Variants in CADPS observed in about 807,000 individuals in gnomAD.
CADPS encodes the protein calcium dependent secretion activator.
A neutral mutation model predicts 167.3 loss-of-function variants in CADPS; 57 were observed. The observed-to-expected ratio is 0.34, with a 90% CI of 0.28 to 0.42. The LOEUF (loss-of-function observed/expected upper bound fraction) is 0.42, where lower values mean the gene tolerates loss of function less well. CADPS is among the 20% of genes least tolerant of loss of function. The probability of loss-of-function intolerance (pLI) is 1.00; values close to 1 mark genes in which losing one functional copy is unlikely to be tolerated. For missense variants in CADPS, 1,414 were observed against 1,738.1 expected (o/e 0.81, Z 3.32); for synonymous variants, 676 against 635.3 (o/e 1.06, Z -0.96).
chr3:62,736,669 A>G (rs2079042080), intron 3 of CADPS, among the ~76,000 whole-genome samples: 1 of 152,238 alleles, frequency 6.6e-6, no homozygotes, highest in Admixed American at 6.5e-5. Flanking sequence ...GTTTCTTTAA[A>G]AGAAGTTAGA....
At chr3:62,790,186 G>A (rs1640458224) in intron 1 of CADPS, among the ~76,000 whole-genome samples, 1 of 152,070 alleles carries the variant, frequency 6.6e-6, no homozygotes, top group Non-Finnish European at 1.5e-5. Flanking sequence ...TAAAGAGTAT[G>A]CAACATATAT....
Position 62,481,842 on chromosome 3 carries a change from C to G in CADPS, c.3054G>C (p.Val1018=), listed in dbSNP as rs758584550. Residue 1018 remains valine, a synonymous_variant, in exon 22 of 30, where the codon GTG becomes GTC. Transcript: ENST00000383710. ...VKSLTSNLPN[V]NLPNVNLPKV... ...TGGGAAGGTTCACATTGGGTAGGTT[C>G]ACATTGGGTAGGTTACTGGTTAAAC... The G allele has an allele frequency of 6.2e-7, 1 of 1,611,430 alleles. No homozygotes were observed. The highest frequency in any genetic ancestry group is 8.5e-7 in the Non-Finnish European group (1 of 1,178,934).
chr3:62,557,016 C>G (rs199758972), intron 10 of CADPS, among the ~76,000 whole-genome samples: 2,475 of 148,296 alleles, frequency 0.017, 55 homozygotes, highest in East Asian at 0.096. Context: ...CACACACACA[C>G]ACACACACAC....
intron 8 of CADPS, among the ~76,000 whole-genome samples, chr3:62,583,295 A>G (rs1009276782): frequency 8.5e-5 from 13 of 152,056 alleles, no homozygotes; most frequent in African/African-American, 2.9e-4. Flanking sequence ...CTTGTGTACT[A>G]CAGAAACCTA....
chr3:62,570,974 G>T (rs2152454371), intron 8 of CADPS, 36 bp from the exon 9 acceptor site: 1 of 1,276,182 alleles, frequency 7.8e-7, no homozygotes, highest in South Asian at 1.2e-5. Flanking sequence ...CTGCATTAAT[G>T]CTTGAGTGAG....
At chr3:62,464,829 T>C (rs1454436479) in intron 26 of CADPS, among the ~76,000 whole-genome samples, 1 of 151,832 alleles carries the variant, frequency 6.6e-6, no homozygotes, top group Admixed American at 6.6e-5. Flanking sequence ...AAGACACAGC[T>C]CCAGCAGAGT....
intron 13 of CADPS, among the ~76,000 whole-genome samples, chr3:62,523,004 A>G (rs902320112): frequency 5.3e-5 from 8 of 152,116 alleles, no homozygotes; most frequent in Admixed American, 1.3e-4. Flanking sequence ...AGTTTTCGGC[A>G]AACCATTTTC....
chr3:62,782,665 G>A (rs752672115), intron 1 of CADPS, among the ~76,000 whole-genome samples: 58 of 152,114 alleles, frequency 3.8e-4, no homozygotes, highest in Non-Finnish European at 6.0e-4. Context: ...TTACATGGGG[G>A]CTAAACCCTG....
intron 3 of CADPS, among the ~76,000 whole-genome samples, chr3:62,718,309 T>A (rs1506745): frequency 0.56 from 85,580 of 151,986 alleles, 24,367 homozygotes; most frequent in East Asian, 0.74. Flanking sequence ...TACATTTTTT[T>A]AAAAAAATCT....
intron 6 of CADPS, among the ~76,000 whole-genome samples, chr3:62,624,963 T>C (rs1387454102): frequency 2.1e-5 from 3 of 143,868 alleles, no homozygotes; most frequent in Non-Finnish European, 4.4e-5. Flanking sequence ...AATTTGAAAC[T>C]TACAATGGAG....
chr3:62,803,238 C>T (rs760773601), intron 1 of CADPS, among the ~76,000 whole-genome samples: 7 of 151,582 alleles, frequency 4.6e-5, no homozygotes, highest in South Asian at 2.1e-4. Context: ...TGATCTGAGA[C>T]GAATGATCCT....
At chr3:62,790,066 G>T (rs571612408) in intron 1 of CADPS, among the ~76,000 whole-genome samples, 32 of 152,094 alleles carry the variant, frequency 2.1e-4, no homozygotes, top group African/African-American at 7.2e-4. Context: ...TCATCAGAAG[G>T]CTTAAAATTC....
intron 5 of CADPS, among the ~76,000 whole-genome samples, chr3:62,648,379 G>A (rs948363711): frequency 5.3e-5 from 8 of 152,010 alleles, no homozygotes; most frequent in African/African-American, 1.9e-4. Context: ...TACTGACAAA[G>A]AATTAGAAAA....
chr3:62,422,159 T>C (rs1243019071), intron 28 of CADPS, among the ~76,000 whole-genome samples: 5 of 152,136 alleles, frequency 3.3e-5, no homozygotes, highest in Non-Finnish European at 7.3e-5. Flanking sequence ...TTTACAAGAA[T>C]TCCCTCACGT....
chr3:62,488,635 T>G (rs2063205700), intron 21 of CADPS, among the ~76,000 whole-genome samples: 1 of 151,974 alleles, frequency 6.6e-6, no homozygotes, highest in South Asian at 2.1e-4. Context: ...TTGGACTACA[T>G]GCTGTGCCAC....
chr3:62,651,155 G>A, intron 4 of CADPS, 75 bp from the exon 5 acceptor site: 1 of 955,656 alleles, frequency 1.0e-6, no homozygotes, highest in Non-Finnish European at 1.6e-6. Context: ...TTTGTCCCAT[G>A]GCCCAGAGTT....
intron 1 of CADPS, among the ~76,000 whole-genome samples, chr3:62,797,139 A>C (rs1277387496): frequency 6.6e-6 from 1 of 152,174 alleles, no homozygotes; most frequent in African/African-American, 2.4e-5. Context: ...CTGGAAAATC[A>C]GTTTGAGTTA....
chr3:62,486,980 G>A (rs1209158600), intron 21 of CADPS, among the ~76,000 whole-genome samples: 1 of 152,206 alleles, frequency 6.6e-6, no homozygotes, highest in Non-Finnish European at 1.5e-5. Context: ...GTAACTCCAT[G>A]GCAATGGTAA....
chr3:62,699,034 T>C (rs1047709218), intron 3 of CADPS, among the ~76,000 whole-genome samples: 2 of 152,106 alleles, frequency 1.3e-5, no homozygotes, highest in South Asian at 2.1e-4. Context: ...AGTTCTTTCA[T>C]GGGGATTTCT....
Sources: allele counts gnomAD v4.1 joint callset (sites outside exome capture counted in the v4.1 genomes callset), GRCh38; gene constraint gnomAD v4.1.1; transcripts MANE v1.5; gene names NCBI Gene and HGNC (gene_info 2026-07-23, HGNC 2026-07-21).